Variants in PCSK1 observed in about 807,000 individuals in gnomAD.
The protein encoded by PCSK1 is proprotein convertase subtilisin/kexin type 1, also known as neuroendocrine convertase 1.
PCSK1 carries 56 observed loss-of-function variants against 90.6 expected under a neutral mutation model. That is an observed-to-expected ratio of 0.62 (90% CI 0.50 to 0.77). PCSK1 has a LOEUF of 0.77. Ranked by LOEUF, PCSK1 falls within the 30% of genes least tolerant of loss-of-function variation. The probability of loss-of-function intolerance (pLI) is 0.00; values close to 1 mark genes in which losing one functional copy is unlikely to be tolerated. For missense variants in PCSK1, 801 were observed against 932.6 expected (o/e 0.86, Z 1.84); for synonymous variants, 348 against 342.4 (o/e 1.02, Z -0.18).
At chr5:96,429,472 G>T (rs1761422898) in intron 1 of PCSK1, among the ~76,000 whole-genome samples, 155 bp from the exon 2 acceptor site, 1 of 151,952 alleles carries the variant, frequency 6.6e-6, no homozygotes, top group Non-Finnish European at 1.5e-5. Flanking sequence ...AAACTTTTAA[G>T]TTCAGCAGTA....
chr5:96,417,545 T>G (rs1760976038), intron 5 of PCSK1, among the ~76,000 whole-genome samples: 1 of 151,850 alleles, frequency 6.6e-6, no homozygotes. Flanking sequence ...ATGTGAGTCA[T>G]ATGGGTCTTG....
Position 96,408,321 on chromosome 5 carries a change from C to A in PCSK1, c.1098G>T (p.Thr366=). Residue 366 remains threonine (T), a splice_region_variant and synonymous_variant, in exon 9 of 14, where the codon ACG becomes ACT. Coordinates refer to ENST00000311106, the MANE Select transcript of PCSK1 (RefSeq NM_000439.5). ...SSGDYTDQRI[T]SADLHNDCTE... ...TGCAGTCATTGTGCAGGTCAGCGCT[C>A]GTCTGGATGACGTCAGGAAGGAGAG... 1 of 1,612,686 alleles carries A rather than the reference C, an allele frequency of 6.2e-7. No individual in the cohort carries two copies. Among genetic ancestry groups the A allele is most frequent in the South Asian group, 1.1e-5 (1 of 90,984 alleles).
At chr5:96,425,021 AAAGAAAG>A (rs1561376286) in intron 3 of PCSK1, among the ~76,000 whole-genome samples, 19 of 63,566 alleles carry the variant, frequency 3.0e-4, no homozygotes, top group African/African-American at 6.9e-4. Flanking sequence ...AGAAAGAAAG[AAAGAAAG>A]AAAGAAAGAA....
chr5:96,402,410 T>C (rs1760410901), intron 9 of PCSK1, among the ~76,000 whole-genome samples: 1 of 152,186 alleles, frequency 6.6e-6, no homozygotes, highest in African/African-American at 2.4e-5. Context: ...GTGAGAGCTT[T>C]CCTTCCTAGG....
At chr5:96,403,794 A>C (rs1760465781) in intron 9 of PCSK1, among the ~76,000 whole-genome samples, 1 of 152,160 alleles carries the variant, frequency 6.6e-6, no homozygotes, top group African/African-American at 2.4e-5. Flanking sequence ...TCTAACTTGG[A>C]CTTTCTAACA....
intron 10 of PCSK1, among the ~76,000 whole-genome samples, chr5:96,399,750 A>G (rs1232712708): frequency 6.6e-6 from 1 of 152,236 alleles, no homozygotes; most frequent in Non-Finnish European, 1.5e-5. Flanking sequence ...GTGGACTACA[A>G]GAGGAACATG....
At chr5:96,424,015 T>A (rs1277448817) in intron 3 of PCSK1, among the ~76,000 whole-genome samples, 3 of 152,224 alleles carry the variant, frequency 2.0e-5, no homozygotes. Flanking sequence ...GGGGTAAGTG[T>A]CTGTGAGAGG....
At position 96,400,171 on chromosome 5, in the gene PCSK1, C is replaced by G; in HGVS notation, c.1212G>C (p.Trp404Cys). 6.2e-7 allele frequency: 1 copy of G among 1,613,856 alleles called. No individual in the cohort carries two copies. The highest frequency in any genetic ancestry group is 8.5e-7 in the Non-Finnish European group (1 of 1,179,784). Reference sequence around the variant, plus strand: ...AGACAACCAGGTGCTGCATATCTCGCCAGGTGAGATTTGGGCTGGAGGGGA... The same window carrying G: ...AGACAACCAGGTGCTGCATATCTCGGCAGGTGAGATTTGGGCTGGAGGGGA... The part of the protein sequence containing the change: ...LALEANPNLT[W>C]RDMQHLVVWT... Residue 404 changes from tryptophan (W) to cysteine (C), a missense_variant, in exon 10 of 14, where the codon TGG becomes TGC. Transcript: ENST00000311106.
At position 96,393,158 on chromosome 5, in the gene PCSK1, T is replaced by G. The variant is rs188666266; in HGVS notation, c.2105A>C (p.Glu702Ala). 6.2e-7 allele frequency: 1 copy of G among 1,614,192 alleles called. No individual in the cohort carries two copies. The highest frequency in any genetic ancestry group is 2.2e-5 in the East Asian group (1 of 44,882). Residue 702 changes from glutamate to alanine, a missense_variant, in exon 14 of 14, where the codon GAA becomes GCA. Transcript: ENST00000311106. ...KLNIPYENFY[E>A]ALEKLNKPSQ... ...AGGTTTGTTCAGCTTTTCCAGGGCT[T>G]CGTAGAAGTTTTCATAAGGGATGTT...
chr5:96,406,790 T>C (rs1483351727), intron 9 of PCSK1, among the ~76,000 whole-genome samples: 2 of 152,248 alleles, frequency 1.3e-5, no homozygotes, highest in Non-Finnish European at 2.9e-5. Context: ...ATAATCTCCT[T>C]ATTAGGAAGG....
chr5:96,427,347 G>T (rs1002826603), intron 2 of PCSK1, among the ~76,000 whole-genome samples: 1 of 152,102 alleles, frequency 6.6e-6, no homozygotes, highest in South Asian at 2.1e-4. Context: ...CAGGCTGAAT[G>T]GTATAGAGGA....
intron 1 of PCSK1, chr5:96,432,066 G>A: frequency 6.6e-7 from 1 of 1,521,554 alleles, no homozygotes; most frequent in Non-Finnish European, 8.8e-7. Context: ...GAAATTCCCG[G>A]GAAAACGATT....
At chr5:96,425,008 A>AAAAAG (rs1554059750) in intron 3 of PCSK1, among the ~76,000 whole-genome samples, 16 of 117,478 alleles carry the variant, frequency 1.4e-4, no homozygotes, top group Admixed American at 1.2e-3. Flanking sequence ...AGAAAGAAAG[A>AAAAAG]AAAGAAAGAA....
chr5:96,427,180 CA>C (rs1267472672), intron 2 of PCSK1, among the ~76,000 whole-genome samples: 1 of 151,992 alleles, frequency 6.6e-6, no homozygotes, highest in Non-Finnish European at 1.5e-5. Context: ...TATCCTCCAT[CA>C]AAAAAGAGCA....
At chr5:96,405,601 G>A (rs1376713951) in intron 9 of PCSK1, among the ~76,000 whole-genome samples, 1 of 152,132 alleles carries the variant, frequency 6.6e-6, no homozygotes, top group Non-Finnish European at 1.5e-5. Flanking sequence ...AACCGGAGGG[G>A]TTGAGGTTGC....
At chr5:96,415,968 T>C (rs1347319161) in intron 6 of PCSK1, 65 bp downstream of exon 6, 4 of 1,024,292 alleles carry the variant, frequency 3.9e-6, no homozygotes, top group Non-Finnish European at 6.2e-6. Flanking sequence ...CCCTCCCCCA[T>C]TTACAATGGG....
intron 1 of PCSK1, among the ~76,000 whole-genome samples, chr5:96,429,899 C>T (rs930268454): frequency 2.0e-5 from 3 of 152,162 alleles, no homozygotes; most frequent in African/African-American, 7.2e-5. Flanking sequence ...GGAGGAAATA[C>T]ATGTTTTTCA....
At position 96,408,231 on chromosome 5, in the gene PCSK1, C is replaced by T. The variant is rs777345288; in HGVS notation, c.1188G>A (p.Leu396=). The T allele has an allele frequency of 6.2e-7, 1 of 1,612,888 alleles. No homozygotes were observed. The highest frequency in any genetic ancestry group is 1.7e-5 in the Admixed American group (1 of 60,012). Residue 396 remains leucine, a synonymous_variant, in exon 9 of 14, where the codon CTG becomes CTA. Coordinates refer to ENST00000311106, the MANE Select transcript of PCSK1 (RefSeq NM_000439.5). ...PLAAGIFALA[L]EANPNLTWRD... ...AGCTTTCTGGGCCTTACTTTGCTTC[C>T]AGGGCCAGAGCGAAGATGCCAGCAG... is the stretch of plus-strand genomic sequence containing the variant.
chr5:96,410,519 G>A (rs1376103885), intron 8 of PCSK1, among the ~76,000 whole-genome samples: 1 of 151,992 alleles, frequency 6.6e-6, no homozygotes, highest in Non-Finnish European at 1.5e-5. Context: ...TGTGTGTAAT[G>A]ACAGGTTTGG....
Sources: allele counts gnomAD v4.1 joint callset (sites outside exome capture counted in the v4.1 genomes callset), GRCh38; gene constraint gnomAD v4.1.1; transcripts MANE v1.5; gene names NCBI Gene and HGNC (gene_info 2026-07-23, HGNC 2026-07-21).